LIN54: variants seen among roughly 807,000 people sequenced by gnomAD.
LIN54 encodes protein lin-54 homolog.
In LIN54, 9 loss-of-function variants were observed where a neutral mutation model predicts 78.7. The observed-to-expected ratio is 0.11, with a 90% CI of 0.07 to 0.20. The LOEUF is 0.20. LIN54 is among the 10% of genes least tolerant of loss of function. The pLI is 1.00. For missense variants in LIN54, 573 were observed against 889.9 expected, an observed-to-expected ratio of 0.64 and a Z score of 4.53; for synonymous variants, 269 against 318.4, an observed-to-expected ratio of 0.84 and a Z score of 1.65.
At chr4:82,992,255 T>C (rs1727782591) in intron 1 of LIN54, among the ~76,000 whole-genome samples, 1 of 152,218 alleles carries the variant, frequency 6.6e-6, no homozygotes, top group Non-Finnish European at 1.5e-5. Context: ...CAAAGTTACA[T>C]GTAATATTCT....
At chr4:82,954,104 T>C in intron 4 of LIN54, among the ~76,000 whole-genome samples, 1 of 152,128 alleles carries the variant, frequency 6.6e-6, no homozygotes, top group East Asian at 1.9e-4. Flanking sequence ...TAGATAAATA[T>C]TGGAGTAAGG....
chr4:82,939,864 GAGAA>G, intron 6 of LIN54, 21 bp downstream of exon 6: 1 of 1,602,356 alleles, frequency 6.2e-7, no homozygotes, highest in Non-Finnish European at 8.5e-7. Context: ...GGGAAAGACT[GAGAA>G]AGAAGTTATG....
intron 6 of LIN54, 56 bp from the exon 7 acceptor site, chr4:82,939,792 T>A: frequency 6.3e-7 from 1 of 1,597,896 alleles, no homozygotes; most frequent in Non-Finnish European, 8.6e-7. Flanking sequence ...AGCTGTTCAA[T>A]TCAGTATAAA....
intron 3 of LIN54, among the ~76,000 whole-genome samples, chr4:82,973,779 C>T (rs904867907): frequency 4.6e-5 from 7 of 152,046 alleles, no homozygotes; most frequent in Non-Finnish European, 8.8e-5. Context: ...ATGTATTTAC[C>T]GAAGATCATA....
chr4:82,941,148 G>GTATATATATATA (rs1578502159), intron 5 of LIN54, among the ~76,000 whole-genome samples: 1 of 30,172 alleles, frequency 3.3e-5, no homozygotes, highest in African/African-American at 1.2e-4. Flanking sequence ...GGAGTTAAGA[G>GTATATATATATA]GATATATATA....
In LIN54 at chr4:82,984,179, T is replaced by C. The variant is rs548243981; in HGVS notation, c.666A>G (p.Gln222=). The C allele has an allele frequency of 2.5e-6, 4 of 1,611,124 alleles. No homozygotes were observed. Among genetic ancestry groups the C allele is most frequent in the African/African-American group, 1.3e-5 (1 of 74,786 alleles). ...CTTTTACCTGTACTGTTTTTAACTG[T>C]TGGGTCTGTAACACAGAGGGCTGAG... The part of the protein sequence containing the change: ...TTTQPSVLQT[Q]QLKTVQIAKK... The change falls in exon 2 of 13, where the codon CAA becomes CAG. Residue 222 remains glutamine, a synonymous_variant. Coordinates refer to ENST00000340417, the MANE Select transcript of LIN54 (RefSeq NM_194282.4).
At chr4:82,971,775 C>T (rs572171995) in intron 3 of LIN54, among the ~76,000 whole-genome samples, 8 of 152,206 alleles carry the variant, frequency 5.3e-5, no homozygotes, top group African/African-American at 1.9e-4. Flanking sequence ...CTAAAGGTGT[C>T]CCAGGCAGAT....
At chr4:82,985,608 T>G (rs905572605) in intron 1 of LIN54, among the ~76,000 whole-genome samples, 7 of 152,240 alleles carry the variant, frequency 4.6e-5, no homozygotes, top group African/African-American at 1.7e-4. Flanking sequence ...TGGCACAATC[T>G]CAGCTCACTG....
chr4:83,001,863 AT>A (rs1560795544), intron 1 of LIN54, among the ~76,000 whole-genome samples: 3 of 776 alleles, frequency 3.9e-3, no homozygotes, highest in African/African-American at 7.4e-3. Flanking sequence ...AAAAAAAAGG[AT>A]AGGAAGGAAG....
chr4:82,964,067 TTGA>T (rs1325883600), intron 4 of LIN54, among the ~76,000 whole-genome samples: 1 of 152,164 alleles, frequency 6.6e-6, no homozygotes, highest in East Asian at 1.9e-4. Flanking sequence ...TTTTTTTTTT[TTGA>T]GACGGAGTCT....
intron 5 of LIN54, among the ~76,000 whole-genome samples, chr4:82,943,390 T>A (rs1417736465): frequency 1.3e-5 from 2 of 152,212 alleles, no homozygotes; most frequent in Non-Finnish European, 2.9e-5. Flanking sequence ...GAACATTAGT[T>A]CTTGTGCAAC....
At chr4:82,976,451 T>A (rs560559027) in intron 3 of LIN54, among the ~76,000 whole-genome samples, 1 of 151,384 alleles carries the variant, frequency 6.6e-6, no homozygotes, top group Admixed American at 6.6e-5. Context: ...GGCTCATGCC[T>A]GTAGTCCCAG....
chr4:82,956,628 T>G (rs994330711), intron 4 of LIN54, among the ~76,000 whole-genome samples: 2 of 152,086 alleles, frequency 1.3e-5, no homozygotes, highest in Non-Finnish European at 2.9e-5. Context: ...AATAACAATT[T>G]TTAAAAAGGC....
At chr4:82,956,862 A>T (rs1560743338) in intron 4 of LIN54, among the ~76,000 whole-genome samples, 1 of 151,962 alleles carries the variant, frequency 6.6e-6, no homozygotes, top group Non-Finnish European at 1.5e-5. Context: ...AGCTCAAGTG[A>T]TTCTCCCACC....
chr4:83,003,857 T>C (rs1344761553), intron 1 of LIN54, among the ~76,000 whole-genome samples: 1 of 152,192 alleles, frequency 6.6e-6, no homozygotes, highest in Admixed American at 6.5e-5. Flanking sequence ...AGGTTTGTAT[T>C]TTCATTTCAA....
At chr4:82,987,174 C>T (rs1727223290) in intron 1 of LIN54, among the ~76,000 whole-genome samples, 1 of 152,160 alleles carries the variant, frequency 6.6e-6, no homozygotes, top group Non-Finnish European at 1.5e-5. Context: ...GCTTGTAATT[C>T]CAGCTACTCA....
In LIN54 at chr4:82,974,076, GGCA is replaced by G. The variant is rs1725921807; in HGVS notation, c.809-3610_809-3608del. ...ATACAAAAAATTAGCTGGGTGTGGT[GGCA>G]GGCACCTGTAGTCCCAGCTACTTGG... On this transcript the variant is annotated intron_variant, in intron 3 of 12. Transcript: ENST00000340417. Among the ~76,000 whole-genome samples the G allele has an allele frequency of 2.0e-5, 3 of 152,032 alleles. No homozygotes were observed. In the South Asian group the frequency reaches 6.2e-4, roughly 32 times the overall value.
intron 1 of LIN54, among the ~76,000 whole-genome samples, chr4:83,007,114 T>C (rs1729463515): frequency 6.6e-6 from 1 of 152,090 alleles, no homozygotes; most frequent in Admixed American, 6.5e-5. Context: ...CACTCCAGCC[T>C]GGGCAACAGA....
At position 82,940,032 on chromosome 4, in the gene LIN54, C is replaced by T. The variant is rs1210611755; in HGVS notation, c.1169-70G>A. The T allele has an allele frequency of 2.9e-6, 3 of 1,017,020 alleles. No homozygotes were observed. The East Asian group carries it at 7.2e-5, about 24-fold the overall frequency. The allele number at this position is 1,017,020 out of a possible 1,614,324, so 63.0% of individuals were successfully genotyped here. A position where few individuals can be genotyped will look rare whatever the true frequency, so the allele number is the denominator to read the frequency against. ...ATAGTATTTAAAACACTTAAGAATACTTAGCTCTCCCAAGTTATTCTCATA... is the reference window on the plus strand; with the variant it reads ...ATAGTATTTAAAACACTTAAGAATATTTAGCTCTCCCAAGTTATTCTCATA... On this transcript the variant is annotated intron_variant, in intron 5 of 12. Coordinates refer to ENST00000340417, the MANE Select transcript of LIN54 (RefSeq NM_194282.4).
Sources: gnomAD v4.1 joint callset for allele counts (sites outside exome capture counted in the v4.1 genomes callset) on GRCh38, gnomAD v4.1.1 for gene constraint, MANE v1.5 for transcripts, NCBI Gene and HGNC (gene_info 2026-07-23, HGNC 2026-07-21) for gene names.